The following RNF144A variants were observed in gnomAD, a reference collection of about 807,000 sequenced individuals.
RNF144A encodes ring finger protein 144A.
RNF144A carries 11 observed loss-of-function variants against 38.7 expected under a neutral mutation model. The observed-to-expected ratio is 0.28, with a 90% CI of 0.18 to 0.47. RNF144A has a LOEUF of 0.47. Ranked by LOEUF, RNF144A falls within the 20% of genes least tolerant of loss-of-function variation. RNF144A has a pLI of 0.99. For missense variants in RNF144A, 316 were observed against 377.2 expected (o/e 0.84, Z 1.34); for synonymous variants, 149 against 143.9 (o/e 1.04, Z -0.25).
In RNF144A at chr2:7,068,279, G is replaced by A. The variant is rs1050578303; in HGVS notation, c.*4G>A. 1.5e-5 allele frequency: 20 copies of A among 1,296,560 alleles called. 1 individual carries two copies. In the Admixed American group the frequency reaches 4.6e-4, roughly 30 times the overall value. 80.3% of individuals were successfully genotyped at this position (1,296,560 alleles called of 1,614,324 possible). A position where few individuals can be genotyped will look rare whatever the true frequency, so the allele number is the denominator to read the frequency against. On this transcript the variant is annotated 3_prime_UTR_variant, in exon 7 of 7. Coordinates refer to the RNF144A transcript ENST00000432850. ...TGAATCTGAGTGTCATCTGTAAGAG[G>A]TGGGTTGTTTATAACACATTTTAAA...
intron 2 of RNF144A, among the ~76,000 whole-genome samples, chr2:6,991,908 C>A (rs1669408693): frequency 6.6e-6 from 1 of 152,106 alleles, no homozygotes; most frequent in African/African-American, 2.4e-5. Context: ...ATAGTTCCTA[C>A]CCTTGAATAA....
In RNF144A at chr2:6,990,572, A is replaced by AACAC. The variant is rs70942685; in HGVS notation, c.-11-6316_-11-6313dup. Among the ~76,000 whole-genome samples the AACAC allele has an allele frequency of 9.1e-3, 765 of 83,960 alleles. 9 individuals are homozygous for AACAC. Among genetic ancestry groups the AACAC allele is most frequent in the African/African-American group, 0.026 (524 of 19,810 alleles). 55.1% of individuals were successfully genotyped at this position (83,960 alleles called of 152,430 possible). On this transcript the variant is annotated intron_variant, in intron 2 of 8. Transcript: ENST00000320892. The stretch of plus-strand genomic sequence containing the variant: ...AGAGAGAGAGATTGCTACACACACA[A>AACAC]ACACACACACACACACACACACACA...
intron 3 of RNF144A, among the ~76,000 whole-genome samples, chr2:7,007,004 G>C (rs779341800): frequency 6.6e-6 from 1 of 152,134 alleles, no homozygotes; most frequent in Non-Finnish European, 1.5e-5. Flanking sequence ...TGCACACCCT[G>C]CCCTAGTTAA....
chr2:6,953,384 G>A (rs1003252536), intron 2 of RNF144A, among the ~76,000 whole-genome samples: 4 of 152,186 alleles, frequency 2.6e-5, no homozygotes, highest in African/African-American at 7.2e-5. Flanking sequence ...AGCCAAGATC[G>A]TGCCACTGCA....
downstream of RNF144A, among the ~76,000 whole-genome samples, chr2:7,071,549 C>T (rs1483039735): frequency 6.6e-6 from 1 of 152,200 alleles, no homozygotes; most frequent in Non-Finnish European, 1.5e-5. Context: ...AGTTTCATTG[C>T]AGCACCTATG....
rs1667403378 is a variant in RNF144A, at chr2:6,962,414, A to T, written c.-12+21267A>T. Among the ~76,000 whole-genome samples, 1 of 152,146 alleles carries T rather than the reference A, an allele frequency of 6.6e-6. No individual in the cohort carries two copies. The highest frequency in any genetic ancestry group is 1.5e-5 in the Non-Finnish European group (1 of 68,010). On this transcript the variant is annotated intron_variant, in intron 2 of 8. Coordinates refer to ENST00000320892, the MANE Select transcript of RNF144A (RefSeq NM_014746.6). The surrounding 1 kb of genome is among the most constrained non-coding windows in gnomAD (Gnocchi z 4.1). ...CCCCATAGAAGTTTCTGGCTTCCTT[A>T]TTTATGTTTGCAGCTCCATTTCTCA...
chr2:6,960,113 A>G (rs914131838), intron 2 of RNF144A, among the ~76,000 whole-genome samples: 2 of 152,266 alleles, frequency 1.3e-5, no homozygotes, highest in Non-Finnish European at 2.9e-5. Context: ...TTTCATGGCA[A>G]TGGAGACCAC....
intron 3 of RNF144A, among the ~76,000 whole-genome samples, chr2:7,009,685 A>G (rs1670670465): frequency 6.6e-6 from 1 of 152,204 alleles, no homozygotes; most frequent in African/African-American, 2.4e-5. Flanking sequence ...TCCCAGGGCC[A>G]TCCAGTGAGA....
intron 8 of RNF144A, among the ~76,000 whole-genome samples, chr2:7,030,977 G>T (rs1034894588): frequency 6.6e-6 from 1 of 152,050 alleles, no homozygotes; most frequent in Non-Finnish European, 1.5e-5. Context: ...AACAGGGTTC[G>T]TGCTCCTACG....
intron 6 of RNF144A, among the ~76,000 whole-genome samples, chr2:7,058,199 A>G (rs1013202838): frequency 2.0e-5 from 3 of 152,194 alleles, no homozygotes; most frequent in East Asian, 1.9e-4. Context: ...GAGCTGAGAC[A>G]TGAACAAAAA....
chr2:7,045,007 C>T (rs919619149), downstream of RNF144A, among the ~76,000 whole-genome samples: 5 of 152,216 alleles, frequency 3.3e-5, no homozygotes, highest in African/African-American at 4.8e-5. Flanking sequence ...GCAGGCTTTG[C>T]GGGCACAGCA....
chr2:6,992,317 C>T (rs1044492435), intron 2 of RNF144A, among the ~76,000 whole-genome samples: 1 of 152,220 alleles, frequency 6.6e-6, no homozygotes, highest in African/African-American at 2.4e-5. Flanking sequence ...CAACCAGTTA[C>T]ATTCCAGCAA....
intron 6 of RNF144A, chr2:7,068,079 G>T (rs1674308144): frequency 2.4e-6 from 1 of 419,978 alleles, no homozygotes. Flanking sequence ...TGTGCTCCGA[G>T]TTGGGCTCAA....
intron 2 of RNF144A, among the ~76,000 whole-genome samples, chr2:6,953,349 A>T (rs1666805469): frequency 6.6e-6 from 1 of 152,144 alleles, no homozygotes; most frequent in African/African-American, 2.4e-5. Flanking sequence ...GAATTGCTTG[A>T]ACCCAGGAGG....
chr2:7,017,982 TA>T (rs1671250246), intron 5 of RNF144A, among the ~76,000 whole-genome samples: 1 of 152,146 alleles, frequency 6.6e-6, no homozygotes, highest in African/African-American at 2.4e-5. Context: ...ATGGAAACCT[TA>T]GCCAGGTCTC....
chr2:7,057,564 A>C (rs1673788413), intron 6 of RNF144A, among the ~76,000 whole-genome samples: 1 of 152,190 alleles, frequency 6.6e-6, no homozygotes, highest in Admixed American at 6.5e-5. Context: ...CCAAATATTA[A>C]AGTAACTCCC....
chr2:7,046,114 TC>T (rs1673298604), downstream of RNF144A, among the ~76,000 whole-genome samples: 1 of 152,204 alleles, frequency 6.6e-6, no homozygotes, highest in Admixed American at 6.5e-5. Context: ...TAGAAGGTAT[TC>T]TAAACTTGAC....
intron 6 of RNF144A, among the ~76,000 whole-genome samples, chr2:7,055,331 G>C (rs965950296): frequency 1.3e-5 from 2 of 152,134 alleles, no homozygotes; most frequent in Admixed American, 6.5e-5. Context: ...GCTCAGTATT[G>C]CATCTTGATT....
intron 6 of RNF144A, chr2:7,062,708 G>T (rs995039068): frequency 1.3e-5 from 2 of 152,122 alleles, no homozygotes; most frequent in Non-Finnish European, 2.9e-5. Context: ...AAGCAGAGAC[G>T]TTTATCCAGC....
Sources: allele counts gnomAD v4.1 joint callset (sites outside exome capture counted in the v4.1 genomes callset), GRCh38; gene constraint gnomAD v4.1.1; non-coding constraint Gnocchi (gnomAD v3.1); transcripts MANE v1.5; gene names NCBI Gene and HGNC (gene_info 2026-07-23, HGNC 2026-07-21).